The following ELMO1 variants were observed in gnomAD, a reference collection of about 807,000 sequenced individuals.
ELMO1 encodes the protein engulfment and cell motility 1, also known as engulfment and cell motility protein 1.
Under a neutral mutation model 98.9 loss-of-function variants are expected in ELMO1, and 26 were observed. The ratio of observed to expected loss-of-function variants is 0.26; its 90% confidence interval spans 0.19 to 0.36. The LOEUF (loss-of-function observed/expected upper bound fraction) is 0.36. ELMO1 is among the 10% of genes least tolerant of loss of function. The probability of loss-of-function intolerance (pLI) is 1.00; values close to 1 mark genes in which losing one functional copy is unlikely to be tolerated. For synonymous variants in ELMO1, 346 were observed against 346.0 expected (o/e 1.00, Z 0.00); for missense variants, 627 against 935.2 (o/e 0.67, Z 4.30).
intron 20 of ELMO1, among the ~76,000 whole-genome samples, chr7:36,864,829 A>T (rs1024300410): frequency 6.6e-5 from 10 of 152,184 alleles, no homozygotes; most frequent in Non-Finnish European, 2.9e-5. Context: ...GCAGTGAAAA[A>T]TTACATCTAG....
intron 4 of ELMO1, among the ~76,000 whole-genome samples, chr7:37,280,629 C>T (rs1035228516): frequency 3.9e-5 from 6 of 151,912 alleles, no homozygotes; most frequent in African/African-American, 1.5e-4. Context: ...CAGGGAAATG[C>T]AAATCAAAAC....
At chr7:37,271,643 T>C in intron 5 of ELMO1, 189 bp downstream of exon 5, 1 of 593,476 alleles carries the variant, frequency 1.7e-6, no homozygotes, top group Admixed American at 3.3e-5. Flanking sequence ...TGGAATAAGG[T>C]CTTCCTCCTC....
At chr7:37,411,072 G>A (rs752599703) in intron 1 of ELMO1, among the ~76,000 whole-genome samples, 5 of 152,202 alleles carry the variant, frequency 3.3e-5, no homozygotes, top group Non-Finnish European at 7.3e-5. Flanking sequence ...GTAGGAACAA[G>A]AAGTAGTATA....
chr7:37,195,514 G>GAAA (rs1323174681), intron 13 of ELMO1, among the ~76,000 whole-genome samples: 23 of 152,308 alleles, frequency 1.5e-4, no homozygotes, highest in Admixed American at 3.9e-4. Flanking sequence ...GAAATCCACA[G>GAAA]GCCCCTGTCT....
At chr7:37,118,381 A>T (rs1184691024) in intron 14 of ELMO1, among the ~76,000 whole-genome samples, 1 of 152,146 alleles carries the variant, frequency 6.6e-6, no homozygotes, top group African/African-American at 2.4e-5. Context: ...TTTTTCTTTA[A>T]AACTCACAAC....
rs141462393 is a variant in ELMO1 at position 36,867,242 on chromosome 7, A to T, written c.1905+3151T>A. On this transcript the variant is annotated intron_variant, in intron 20 of 21. Coordinates refer to ENST00000310758, the MANE Select transcript of ELMO1 (RefSeq NM_014800.11). Reference sequence around the variant, plus strand: ...ATCATCATCCATCCTATGTTTTATGAGTGTCATGACAATATGTGAAAAATA... The same window carrying T: ...ATCATCATCCATCCTATGTTTTATGTGTGTCATGACAATATGTGAAAAATA... 2.6e-5 allele frequency among the ~76,000 whole-genome samples: 4 copies of T among 152,282 alleles called. No homozygotes were observed. The East Asian group carries it at 7.7e-4, about 29-fold the overall frequency.
At chr7:37,187,167 G>A (rs1411978168) in intron 13 of ELMO1, among the ~76,000 whole-genome samples, 1 of 152,168 alleles carries the variant, frequency 6.6e-6, no homozygotes, top group Non-Finnish European at 1.5e-5. Flanking sequence ...CTACATAGAT[G>A]AAACTTGAAA....
chr7:37,021,937 A>G (rs192154182), intron 15 of ELMO1, among the ~76,000 whole-genome samples: 54 of 152,194 alleles, frequency 3.5e-4, no homozygotes, highest in Non-Finnish European at 6.5e-4. Flanking sequence ...AAACAGAACA[A>G]TAGAACAGAA....
intron 18 of ELMO1, among the ~76,000 whole-genome samples, chr7:36,878,914 G>A (rs1485550233): frequency 1.3e-5 from 2 of 152,220 alleles, no homozygotes; most frequent in African/African-American, 4.8e-5. Flanking sequence ...GACTTGAACT[G>A]TGACAGCAAT....
chr7:37,168,949 C>T (rs1172399814), intron 13 of ELMO1, among the ~76,000 whole-genome samples: 2 of 152,216 alleles, frequency 1.3e-5, no homozygotes, highest in African/African-American at 4.8e-5. Flanking sequence ...AGAGGTGGAG[C>T]CTACAGAGGC....
At chr7:37,346,391 A>G (rs769183599) in intron 1 of ELMO1, among the ~76,000 whole-genome samples, 8 of 152,188 alleles carry the variant, frequency 5.3e-5, no homozygotes, top group Admixed American at 6.5e-5. Flanking sequence ...ATAATTATTA[A>G]CCATAGCAAT....
At chr7:37,349,801 A>T (rs1047883759) in intron 1 of ELMO1, among the ~76,000 whole-genome samples, 1 of 152,186 alleles carries the variant, frequency 6.6e-6, no homozygotes, top group Non-Finnish European at 1.5e-5. Flanking sequence ...ACTGAACCTC[A>T]GAAGGGGCCA....
intron 1 of ELMO1, among the ~76,000 whole-genome samples, chr7:37,427,646 A>C (rs771790890): frequency 3.4e-4 from 52 of 152,262 alleles, no homozygotes; most frequent in Non-Finnish European, 6.2e-4. Flanking sequence ...GTGGCAGTGG[A>C]TAATATCGCT....
intron 13 of ELMO1, among the ~76,000 whole-genome samples, chr7:37,198,328 C>T (rs1792091911): frequency 6.6e-6 from 1 of 152,214 alleles, no homozygotes; most frequent in Admixed American, 6.5e-5. Flanking sequence ...ATCTGGGTTA[C>T]TGTAAATGCA....
At chr7:37,324,499 C>A (rs560436721) in intron 2 of ELMO1, among the ~76,000 whole-genome samples, 1 of 152,152 alleles carries the variant, frequency 6.6e-6, no homozygotes, top group African/African-American at 2.4e-5. Context: ...TGAACAGACA[C>A]GAGAAAAGGT....
At chr7:37,224,617 T>A (rs970566668) in intron 9 of ELMO1, among the ~76,000 whole-genome samples, 1 of 152,120 alleles carries the variant, frequency 6.6e-6, no homozygotes, top group Non-Finnish European at 1.5e-5. Context: ...TCTACCAATA[T>A]CCATTAAAAC....
At chr7:37,408,557 T>C (rs1303126087) in intron 1 of ELMO1, among the ~76,000 whole-genome samples, 2 of 152,194 alleles carry the variant, frequency 1.3e-5, no homozygotes, top group East Asian at 3.9e-4. Context: ...GGAATATACA[T>C]GCAATGGAAT....
intron 16 of ELMO1, among the ~76,000 whole-genome samples, chr7:36,953,843 G>T (rs1334152655): frequency 1.1e-4 from 1 of 8,708 alleles, no homozygotes; most frequent in Non-Finnish European, 1.8e-4. Context: ...TATGTTTTGT[G>T]TGTGTGTGTG....
At chr7:37,162,210 T>C (rs1358932924) in intron 13 of ELMO1, among the ~76,000 whole-genome samples, 1 of 151,862 alleles carries the variant, frequency 6.6e-6, no homozygotes, top group Non-Finnish European at 1.5e-5. Flanking sequence ...TCAAATCCCC[T>C]GAAGGACAAG....
Sources: allele counts gnomAD v4.1 joint callset (sites outside exome capture counted in the v4.1 genomes callset), GRCh38; gene constraint gnomAD v4.1.1; transcripts MANE v1.5; gene names NCBI Gene and HGNC (gene_info 2026-07-23, HGNC 2026-07-21).